DLG2: variants seen among roughly 807,000 people sequenced by gnomAD.
DLG2 encodes discs large MAGUK scaffold protein 2.
A neutral mutation model predicts 132.5 loss-of-function variants in DLG2; 45 were observed. The ratio of observed to expected loss-of-function variants is 0.34; its 90% CI spans 0.27 to 0.44. The LOEUF is 0.44. Among genes scored for constraint, DLG2 ranks in the 20% least tolerant of loss-of-function variants. The probability of loss-of-function intolerance (pLI) is 1.00; values close to 1 mark genes in which losing one functional copy is unlikely to be tolerated. For synonymous variants in DLG2, 424 were observed against 419.6 expected (o/e 1.01, Z -0.13); for missense variants, 1,045 against 1,196.9 (o/e 0.87, Z 1.87).
At chr11:84,958,752 G>C (rs2052075965) in intron 6 of DLG2, among the ~76,000 whole-genome samples, 1 of 152,158 alleles carries the variant, frequency 6.6e-6, no homozygotes, top group Non-Finnish European at 1.5e-5. Flanking sequence ...CTTGCCTACA[G>C]AATTTCAGTG....
intron 6 of DLG2, among the ~76,000 whole-genome samples, chr11:85,072,018 T>A (rs1241269805): frequency 1.3e-5 from 2 of 151,830 alleles, no homozygotes; most frequent in Non-Finnish European, 2.9e-5. Context: ...AATCTTAGCA[T>A]CCCTATGTCA....
chr11:83,575,085 A>T (rs547582600), intron 19 of DLG2, among the ~76,000 whole-genome samples: 2 of 152,350 alleles, frequency 1.3e-5, no homozygotes, highest in Non-Finnish European at 2.9e-5. Flanking sequence ...GGTATATGAG[A>T]TAGGTAGTGA....
chr11:84,683,739 T>A (rs1266266478), intron 6 of DLG2, among the ~76,000 whole-genome samples: 1 of 152,030 alleles, frequency 6.6e-6, no homozygotes, highest in East Asian at 1.9e-4. Flanking sequence ...AGACAGGGTG[T>A]TTAGGTGGAA....
intron 3 of DLG2, among the ~76,000 whole-genome samples, chr11:85,485,428 G>T (rs2093408088): frequency 6.6e-6 from 1 of 152,014 alleles, no homozygotes. Context: ...GTGGAAGGAT[G>T]GGTCAGGATC....
chr11:85,437,350 C>T (rs1332245631), intron 3 of DLG2, among the ~76,000 whole-genome samples: 2 of 151,246 alleles, frequency 1.3e-5, no homozygotes, highest in Non-Finnish European at 2.9e-5. Context: ...AACAATGATA[C>T]ATATTTTCTA....
chr11:85,390,843 G>C (rs2086737000), intron 3 of DLG2, among the ~76,000 whole-genome samples: 1 of 151,892 alleles, frequency 6.6e-6, no homozygotes, highest in Non-Finnish European at 1.5e-5. Flanking sequence ...AAGTGTAAAA[G>C]AGCTCAAATA....
Position 85,125,032 on chromosome 11 carries a change from G to A in DLG2, c.283-13297C>T, listed in dbSNP as rs189674355. Reference sequence around the variant, plus strand: ...TTTTTAGTAGATACGGGGTTTCACCGTGTTAGCCAGGATGGTCTCGATCTC... The same window carrying A: ...TTTTTAGTAGATACGGGGTTTCACCATGTTAGCCAGGATGGTCTCGATCTC... On this transcript the variant is annotated intron_variant, in intron 5 of 27. Transcript: ENST00000376104. Among the ~76,000 whole-genome samples the A allele has an allele frequency of 7.2e-3, 1,101 of 152,144 alleles. 7 individuals are homozygous for A. Among genetic ancestry groups the A allele is most frequent in the Non-Finnish European group, 0.012 (810 of 67,986 alleles).
At chr11:84,300,901 C>A (rs1305138278) in intron 7 of DLG2, among the ~76,000 whole-genome samples, 1 of 152,124 alleles carries the variant, frequency 6.6e-6, no homozygotes, top group Non-Finnish European at 1.5e-5. Flanking sequence ...AGCAATTTGG[C>A]AATTAACTCT....
At chr11:84,825,263 CT>C (rs2078195084) in intron 6 of DLG2, among the ~76,000 whole-genome samples, 1 of 151,814 alleles carries the variant, frequency 6.6e-6, no homozygotes. Flanking sequence ...GATCATCTTA[CT>C]GTATTTGTAT....
intron 6 of DLG2, among the ~76,000 whole-genome samples, chr11:84,679,644 G>A (rs540139836): frequency 6.6e-6 from 1 of 152,188 alleles, no homozygotes; most frequent in African/African-American, 2.4e-5. Flanking sequence ...ACCATTTATT[G>A]AGAGTTTACT....
In DLG2 at chr11:84,912,022, A is replaced by G. The variant is rs535336064; in HGVS notation, c.357+199639T>C. Among the ~76,000 whole-genome samples the G allele has an allele frequency of 1.1e-3, 169 of 152,294 alleles. 1 individual carries two copies. The highest frequency in any genetic ancestry group is 9.9e-3 in the Admixed American group (151 of 15,294). On this transcript the variant is annotated intron_variant, in intron 6 of 27. Coordinates refer to ENST00000376104, the MANE Select transcript of DLG2 (RefSeq NM_001142699.3). ...TTACAAAGGAGTTAGGTCCTAGCCCATGTTCTTGGGATCCAAAGTATACCA... is the reference window on the plus strand; with the variant it reads ...TTACAAAGGAGTTAGGTCCTAGCCCGTGTTCTTGGGATCCAAAGTATACCA...
intron 4 of DLG2, among the ~76,000 whole-genome samples, chr11:85,160,571 C>T (rs967605711): frequency 6.6e-6 from 1 of 152,176 alleles, no homozygotes; most frequent in Non-Finnish European, 1.5e-5. Context: ...TGCTTTCTGA[C>T]CCATCTAGTC....
At chr11:85,204,551 T>A (rs2081724713) in intron 4 of DLG2, among the ~76,000 whole-genome samples, 1 of 151,876 alleles carries the variant, frequency 6.6e-6, no homozygotes, top group Non-Finnish European at 1.5e-5. Context: ...CACAAACAAA[T>A]AGAAAGATAT....
At chr11:84,842,937 C>T (rs148501951) in intron 6 of DLG2, among the ~76,000 whole-genome samples, 3 of 151,978 alleles carry the variant, frequency 2.0e-5, no homozygotes, top group African/African-American at 4.8e-5. Context: ...GTGGCAAGGG[C>T]TCTGGAAAAC....
At chr11:84,422,286 TAC>T (rs2098953454) in intron 7 of DLG2, among the ~76,000 whole-genome samples, 1 of 152,166 alleles carries the variant, frequency 6.6e-6, no homozygotes, top group Non-Finnish European at 1.5e-5. Flanking sequence ...ATCCCTATTT[TAC>T]AGATTAGAAA....
intron 6 of DLG2, among the ~76,000 whole-genome samples, chr11:84,578,878 C>T (rs2099509721): frequency 6.6e-6 from 1 of 152,052 alleles, no homozygotes; most frequent in South Asian, 2.1e-4. Flanking sequence ...CCCAGAATTC[C>T]CACATGTTGT....
At chr11:83,787,763 C>A (rs920387177) in intron 17 of DLG2, among the ~76,000 whole-genome samples, 6 of 152,164 alleles carry the variant, frequency 3.9e-5, no homozygotes, top group Non-Finnish European at 8.8e-5. Flanking sequence ...GAAAGAGAAA[C>A]AGAAATGTCT....
chr11:83,607,811 A>G (rs1466762274), intron 19 of DLG2, among the ~76,000 whole-genome samples: 3 of 152,226 alleles, frequency 2.0e-5, no homozygotes, highest in Non-Finnish European at 4.4e-5. Context: ...CTCAAATACA[A>G]AACAATATGG....
intron 7 of DLG2, among the ~76,000 whole-genome samples, chr11:84,417,553 C>G (rs1268802695): frequency 6.6e-6 from 1 of 152,188 alleles, no homozygotes; most frequent in Non-Finnish European, 1.5e-5. Context: ...GTTTGAAAAT[C>G]CAAGGCTCTT....
Sources: allele counts gnomAD v4.1 joint callset (sites outside exome capture counted in the v4.1 genomes callset), GRCh38; gene constraint gnomAD v4.1.1; transcripts MANE v1.5; gene names NCBI Gene and HGNC (gene_info 2026-07-23, HGNC 2026-07-21).